SRC: variants seen among roughly 807,000 people sequenced by gnomAD.
SRC encodes proto-oncogene tyrosine-protein kinase Src.
Under a neutral mutation model 62.9 loss-of-function variants are expected in SRC, and 13 were observed. The observed-to-expected ratio is 0.21, with a 90% CI of 0.13 to 0.33. The LOEUF (loss-of-function observed/expected upper bound fraction) is 0.33, where lower values mean the gene tolerates loss of function less well. SRC is among the 10% of genes least tolerant of loss of function. The probability of loss-of-function intolerance (pLI) is 1.00; values close to 1 mark genes in which losing one functional copy is unlikely to be tolerated. For synonymous variants in SRC, 302 were observed against 317.5 expected (o/e 0.95, Z 0.52); for missense variants, 457 against 737.3 (o/e 0.62, Z 4.40).
rs143900427 is a variant in SRC at position 37,403,141 on chromosome 20, C to T, written c.1403-30C>T. The T allele has an allele frequency of 4.3e-4, 650 of 1,509,548 alleles. 3 individuals are homozygous for T. In the African/African-American group the frequency reaches 6.2e-3, roughly 14 times the overall value. 93.5% of individuals were successfully genotyped at this position (1,509,548 alleles called of 1,614,324 possible). ...CCCACCCCACTTTCCTCACCGGAGC[C>T]GGGCTCCCCATGCCTCGCTCTGCCC... On this transcript the variant is annotated intron_variant, in intron 13 of 13. Coordinates refer to ENST00000373578, the MANE Select transcript of SRC (RefSeq NM_198291.3). The surrounding 1 kb of genome is among the most constrained non-coding windows in gnomAD (Gnocchi z 7.1).
rs1432190943 is a variant in SRC, at chr20:37,384,322, G to A, written c.169G>A (p.Ala57Thr). The A allele has an allele frequency of 6.8e-7, 1 of 1,465,870 alleles. No homozygotes were observed. The highest frequency in any genetic ancestry group is 3.0e-5 in the East Asian group (1 of 32,832). The allele number at this position is 1,465,870 out of a possible 1,614,324, so 90.8% of individuals were successfully genotyped here. ...HRGPSAAFAP[A>T]AAEPKLFGGF... ...CGGCCCCAGCGCGGCCTTCGCCCCC[G>A]CGGCCGCCGAGCCCAAGCTGTTCGG... The change falls in exon 4 of 14, where the codon GCG becomes ACG. Residue 57 changes from alanine to threonine, a missense_variant. By Grantham distance (58) the Ala-to-Thr change is moderately conservative. Coordinates refer to ENST00000373578, the MANE Select transcript of SRC (RefSeq NM_198291.3). The surrounding 1 kb of genome is among the most constrained non-coding windows in gnomAD (Gnocchi z 6.7).
In SRC at chr20:37,403,440, G is replaced by T. The variant is rs77995057; in HGVS notation, c.*61G>T. 10 of 1,497,392 alleles carry T rather than the reference G, an allele frequency of 6.7e-6. No homozygotes were observed. In the Admixed American group the frequency reaches 1.0e-4, roughly 15 times the overall value. The allele number at this position is 1,497,392 out of a possible 1,614,324, so 92.8% of individuals were successfully genotyped here. A position where few individuals can be genotyped will look rare whatever the true frequency, so the allele number is the denominator to read the frequency against. The stretch of plus-strand genomic sequence containing the variant: ...TCCTGGGCTGGGTGGCCCCTGTCTC[G>T]GGGCTTGCCCCACTCTGCCTGCCTG... On this transcript the variant is annotated 3_prime_UTR_variant, in exon 14 of 14. Transcript: ENST00000373578. This position sits in a 1 kb window ranked among gnomAD's most constrained non-coding sequence, Gnocchi z 7.1.
At chr20:37,348,066 G>T (rs919704021) in intron 1 of SRC, among the ~76,000 whole-genome samples, 1 of 152,198 alleles carries the variant, frequency 6.6e-6, no homozygotes, top group Non-Finnish European at 1.5e-5. Context: ...GCCTGCCTAG[G>T]CCCTCCCGCG....
intron 2 of SRC, among the ~76,000 whole-genome samples, chr20:37,381,845 T>C (rs996612060): frequency 3.3e-5 from 5 of 152,140 alleles, no homozygotes; most frequent in African/African-American, 7.2e-5. Flanking sequence ...CATTGACTTG[T>C]CCCTCAGGAG....
At chr20:37,391,897 G>C (rs1354305433) in intron 5 of SRC, among the ~76,000 whole-genome samples, 2 of 152,136 alleles carry the variant, frequency 1.3e-5, no homozygotes, top group East Asian at 3.9e-4. Flanking sequence ...ACTCTGACCT[G>C]GGTGCTGTGT....
intron 2 of SRC, among the ~76,000 whole-genome samples, chr20:37,369,902 C>G (rs963313458): frequency 1.3e-5 from 2 of 151,990 alleles, no homozygotes; most frequent in African/African-American, 4.8e-5. Context: ...TGGGTTCAAG[C>G]GATTCTCCTG....
intron 2 of SRC, among the ~76,000 whole-genome samples, chr20:37,375,952 C>T (rs1159453126): frequency 6.6e-6 from 1 of 152,190 alleles, no homozygotes; most frequent in East Asian, 1.9e-4. Flanking sequence ...GTTTCCTCCT[C>T]TTCTCATAAG....
At chr20:37,391,482 T>G (rs1222394091) in intron 5 of SRC, among the ~76,000 whole-genome samples, 2 of 152,210 alleles carry the variant, frequency 1.3e-5, no homozygotes, top group Non-Finnish European at 2.9e-5. Context: ...GAGAGCTGTT[T>G]TCTGTGATTT....
chr20:37,344,818 C>T (rs531260525), upstream of SRC: 13 of 152,420 alleles, frequency 8.5e-5, no homozygotes, highest in African/African-American at 3.1e-4. Context: ...CACAACCTGA[C>T]CATCCTCACA....
intron 5 of SRC, among the ~76,000 whole-genome samples, chr20:37,391,677 A>T (rs2070551347): frequency 6.6e-6 from 1 of 152,008 alleles, no homozygotes; most frequent in Non-Finnish European, 1.5e-5. Flanking sequence ...AACATGGTGA[A>T]ACCCCGTCTC....
chr20:37,351,000 T>C (rs933339276), intron 1 of SRC, among the ~76,000 whole-genome samples: 2 of 152,114 alleles, frequency 1.3e-5, no homozygotes, highest in Non-Finnish European at 2.9e-5. Flanking sequence ...GGGAGAAAAA[T>C]GCAGAGCTCT....
At chr20:37,348,548 C>T (rs567048409) in intron 1 of SRC, among the ~76,000 whole-genome samples, 2 of 152,248 alleles carry the variant, frequency 1.3e-5, no homozygotes, top group East Asian at 1.9e-4. Flanking sequence ...ATGGAGGCTT[C>T]TAGAAGGTGG....
At chr20:37,373,055 T>C (rs1248729870) in intron 2 of SRC, among the ~76,000 whole-genome samples, 7 of 151,886 alleles carry the variant, frequency 4.6e-5, no homozygotes, top group Non-Finnish European at 7.4e-5. Context: ...CATATATACA[T>C]ATATACACAC....
chr20:37,351,584 C>T lies in SRC; in HGVS notation c.-247+5329C>T, dbSNP rs950458215. On this transcript the variant is annotated intron_variant, in intron 1 of 13. Transcript: ENST00000373578. The surrounding 1 kb of genome is among the most constrained non-coding windows in gnomAD (Gnocchi z 4.4). ...GCTGGAGTGGCCTGGGGAAGCATGGCCTCCCTGTTGGGGTCTGATTAGCTT... is the reference window on the plus strand; with the variant it reads ...GCTGGAGTGGCCTGGGGAAGCATGGTCTCCCTGTTGGGGTCTGATTAGCTT... Among the ~76,000 whole-genome samples the T allele has an allele frequency of 2.0e-5, 3 of 152,180 alleles. No homozygotes were observed. Among genetic ancestry groups the T allele is most frequent in the East Asian group, 1.9e-4 (1 of 5,202 alleles).
In SRC at chr20:37,396,975, G is replaced by A. The variant is rs1465888390; in HGVS notation, c.703+664G>A. ...CTCCTGACTTCCTCTGGGATCACCCGCCACTCTCTGTCTCTTCGGCCACCG... is the reference window on the plus strand; with the variant it reads ...CTCCTGACTTCCTCTGGGATCACCCACCACTCTCTGTCTCTTCGGCCACCG... On this transcript the variant is annotated intron_variant, in intron 8 of 13. Coordinates refer to ENST00000373578, the MANE Select transcript of SRC (RefSeq NM_198291.3). The surrounding 1 kb of genome is among the most constrained non-coding windows in gnomAD (Gnocchi z 6.1). Among the ~76,000 whole-genome samples, 2 of 152,054 alleles carry A rather than the reference G, an allele frequency of 1.3e-5. No homozygotes were observed. Among genetic ancestry groups the A allele is most frequent in the African/African-American group, 4.8e-5 (2 of 41,394 alleles).
chr20:37,347,267 C>T (rs1568614874), intron 1 of SRC, among the ~76,000 whole-genome samples: 1 of 152,194 alleles, frequency 6.6e-6, no homozygotes, highest in Non-Finnish European at 1.5e-5. Flanking sequence ...AGCCACAGTG[C>T]AGCTGGGATC....
At chr20:37,352,624 A>G (rs1172425215) in intron 1 of SRC, among the ~76,000 whole-genome samples, 2 of 152,020 alleles carry the variant, frequency 1.3e-5, no homozygotes, top group African/African-American at 4.8e-5. Flanking sequence ...ATTCTATTTG[A>G]GCATCCTTGC....
chr20:37,373,339 C>T (rs1168457527), intron 2 of SRC, among the ~76,000 whole-genome samples: 1 of 134,284 alleles, frequency 7.4e-6, no homozygotes, highest in Non-Finnish European at 1.7e-5. Flanking sequence ...CACACATGTA[C>T]ACACACATAT....
intron 2 of SRC, among the ~76,000 whole-genome samples, chr20:37,381,212 G>GC (rs1312472532): frequency 6.6e-6 from 1 of 152,026 alleles, no homozygotes; most frequent in East Asian, 1.9e-4. Flanking sequence ...CCTTAGCTTC[G>GC]TCTTAAAGGT....
Sources: allele counts gnomAD v4.1 joint callset (sites outside exome capture counted in the v4.1 genomes callset), GRCh38; gene constraint gnomAD v4.1.1; non-coding constraint Gnocchi (gnomAD v3.1); transcripts MANE v1.5; gene names NCBI Gene and HGNC (gene_info 2026-07-23, HGNC 2026-07-21).